CCDC178: variants seen among roughly 807,000 people sequenced by gnomAD.
CCDC178 encodes coiled-coil domain-containing protein 178.
A neutral mutation model predicts 117.4 loss-of-function variants in CCDC178; 126 were observed. The ratio of observed to expected loss-of-function variants is 1.07; its 90% CI spans 0.93 to 1.24. CCDC178 has a LOEUF of 1.24. Among genes scored for constraint, CCDC178 ranks in the 50% most tolerant of loss-of-function variants. The probability of loss-of-function intolerance (pLI) is 0.00; values close to 1 mark genes in which losing one functional copy is unlikely to be tolerated. For synonymous variants in CCDC178, 283 were observed against 313.4 expected, an observed-to-expected ratio of 0.90 and a Z score of 1.02; for missense variants, 1,030 against 986.9, an observed-to-expected ratio of 1.04 and a Z score of -0.59.
intron 6 of CCDC178, among the ~76,000 whole-genome samples, chr18:33,365,747 G>A (rs985558549): frequency 6.6e-6 from 1 of 151,896 alleles, no homozygotes; most frequent in African/African-American, 2.4e-5. Context: ...TAAATGAAGA[G>A]GAAAATTTTA....
chr18:33,364,958 G>C lies in CCDC178; in HGVS notation c.348+5092C>G, dbSNP rs548848434. 4.6e-5 allele frequency among the ~76,000 whole-genome samples: 7 copies of C among 152,002 alleles called. No individual in the cohort carries two copies. In the South Asian group the frequency reaches 1.5e-3, roughly 32 times the overall value. On this transcript the variant is annotated intron_variant, in intron 6 of 22. Transcript: ENST00000383096. ...CTCCAGTACCATTCAGCAGACCAGG[G>C]GTGGGAGTGGGGATGGCAGACCATC... is the stretch of plus-strand genomic sequence containing the variant.
chr18:33,310,955 T>C (rs1300470558), intron 11 of CCDC178, among the ~76,000 whole-genome samples: 4 of 152,134 alleles, frequency 2.6e-5, no homozygotes, highest in African/African-American at 4.8e-5. Flanking sequence ...TATGATGTCC[T>C]GGCATGTCTC....
At chr18:33,415,748 C>T (rs529083545) in intron 2 of CCDC178, among the ~76,000 whole-genome samples, 2 of 152,208 alleles carry the variant, frequency 1.3e-5, no homozygotes, top group South Asian at 4.2e-4. Context: ...AAATTCAACA[C>T]TCCTGACCTC....
chr18:33,300,170 C>G (rs2062158519), intron 11 of CCDC178, among the ~76,000 whole-genome samples: 1 of 152,158 alleles, frequency 6.6e-6, no homozygotes, highest in African/African-American at 2.4e-5. Context: ...ATGTGACATG[C>G]CTGCTTGCCT....
chr18:33,175,095 C>T (rs1333374461), intron 20 of CCDC178, among the ~76,000 whole-genome samples: 1 of 145,270 alleles, frequency 6.9e-6, no homozygotes, highest in Admixed American at 6.7e-5. Context: ...GGCGGCTGGT[C>T]TCTAACTCCT....
chr18:33,427,972 C>T (rs2064144508), intron 2 of CCDC178, among the ~76,000 whole-genome samples: 1 of 152,184 alleles, frequency 6.6e-6, no homozygotes, highest in African/African-American at 2.4e-5. Context: ...AAAGTACTTA[C>T]ATCATTTATA....
intron 20 of CCDC178, among the ~76,000 whole-genome samples, chr18:33,196,846 T>C (rs1244814941): frequency 6.6e-6 from 1 of 152,188 alleles, no homozygotes. Flanking sequence ...TTTGTTGTTG[T>C]TCTATGTGCC....
chr18:33,107,291 CAA>C (rs1186722384), intron 20 of CCDC178, among the ~76,000 whole-genome samples: 1 of 151,508 alleles, frequency 6.6e-6, no homozygotes, highest in African/African-American at 2.4e-5. Context: ...AATCAGGAAA[CAA>C]GTTATTAATA....
intron 21 of CCDC178, among the ~76,000 whole-genome samples, chr18:33,072,532 C>G (rs2057127201): frequency 6.6e-6 from 1 of 152,128 alleles, no homozygotes; most frequent in South Asian, 2.1e-4. Flanking sequence ...GACTAGGTGA[C>G]TTTGCCAAGG....
At chr18:33,077,364 C>A (rs1405449017) in intron 21 of CCDC178, among the ~76,000 whole-genome samples, 2 of 152,072 alleles carry the variant, frequency 1.3e-5, no homozygotes, top group African/African-American at 4.8e-5. Flanking sequence ...GAAGTCCTAA[C>A]CCAAGTAGCC....
chr18:33,175,326 G>T (rs1383188455), intron 20 of CCDC178, among the ~76,000 whole-genome samples: 1 of 151,978 alleles, frequency 6.6e-6, no homozygotes, highest in African/African-American at 2.4e-5. Context: ...TGAGCTTCTA[G>T]TTCTCCTTTT....
intron 21 of CCDC178, among the ~76,000 whole-genome samples, chr18:33,060,479 G>A (rs2056904601): frequency 6.6e-6 from 1 of 151,948 alleles, no homozygotes; most frequent in South Asian, 2.1e-4. Flanking sequence ...TGTCAAATAA[G>A]TAAATAAATG....
chr18:33,338,544 T>C (rs565378756), intron 9 of CCDC178, among the ~76,000 whole-genome samples: 6 of 152,262 alleles, frequency 3.9e-5, no homozygotes, highest in African/African-American at 1.4e-4. Context: ...GTGGTACATA[T>C]ACCATGGAAT....
intron 21 of CCDC178, among the ~76,000 whole-genome samples, chr18:33,049,851 G>A (rs576005363): frequency 1.3e-5 from 2 of 151,802 alleles, no homozygotes; most frequent in South Asian, 2.1e-4. Context: ...GGGAGGCCGA[G>A]GGGGGTGGAT....
intron 21 of CCDC178, among the ~76,000 whole-genome samples, chr18:33,035,769 A>G (rs2056432239): frequency 6.6e-6 from 1 of 152,022 alleles, no homozygotes; most frequent in Admixed American, 6.6e-5. Context: ...AATATATCAA[A>G]TCATCACATT....
intron 4 of CCDC178, among the ~76,000 whole-genome samples, chr18:33,392,644 G>C (rs1003453914): frequency 6.6e-6 from 1 of 152,078 alleles, no homozygotes; most frequent in African/African-American, 2.4e-5. Context: ...ATACTGACAC[G>C]AAATAATCAG....
intron 11 of CCDC178, among the ~76,000 whole-genome samples, chr18:33,298,672 T>C (rs1325515764): frequency 2.0e-5 from 3 of 152,134 alleles, no homozygotes; most frequent in Admixed American, 6.5e-5. Context: ...AGCATCTATT[T>C]TGGAAAGTAG....
At chr18:33,323,354 G>C in intron 11 of CCDC178, 137 bp downstream of exon 11, 1 of 428,278 alleles carries the variant, frequency 2.3e-6, no homozygotes, top group African/African-American at 2.0e-5. Flanking sequence ...ATATAAACTT[G>C]GTGATAAGAC....
At chr18:32,970,493 C>T (rs1474437416) in intron 22 of CCDC178, among the ~76,000 whole-genome samples, 1 of 151,890 alleles carries the variant, frequency 6.6e-6, no homozygotes, top group Non-Finnish European at 1.5e-5. Context: ...GACCCCCTGA[C>T]ATCGGCACTT....
Sources: allele counts gnomAD v4.1 joint callset (sites outside exome capture counted in the v4.1 genomes callset), GRCh38; gene constraint gnomAD v4.1.1; transcripts MANE v1.5; gene names NCBI Gene and HGNC (gene_info 2026-07-23, HGNC 2026-07-21).